Variants in ECT2 observed in about 807,000 individuals in gnomAD.
ECT2 encodes the protein protein ECT2.
Under a neutral mutation model 116.9 loss-of-function variants are expected in ECT2, and 61 were observed. The ratio of observed to expected loss-of-function variants is 0.52; its 90% CI spans 0.42 to 0.65. ECT2 has a LOEUF of 0.65. ECT2 is among the 30% of genes least tolerant of loss of function. The pLI is 0.00. For synonymous variants in ECT2, 358 were observed against 346.4 expected, an observed-to-expected ratio of 1.03 and a Z score of -0.37; for missense variants, 937 against 1,078.7, an observed-to-expected ratio of 0.87 and a Z score of 1.84.
chr3:172,810,386 G>C (rs1728559591), intron 22 of ECT2, among the ~76,000 whole-genome samples: 1 of 152,144 alleles, frequency 6.6e-6, no homozygotes, highest in Non-Finnish European at 1.5e-5. Flanking sequence ...AAACTTGTAA[G>C]TAGAATTTCT....
At chr3:172,823,748 T>G (rs1730776664), downstream of ECT2, among the ~76,000 whole-genome samples, 1 of 152,144 alleles carries the variant, frequency 6.6e-6, no homozygotes, top group East Asian at 1.9e-4. Context: ...AAATACATGA[T>G]TGCTTACAAA....
At chr3:172,766,271 A>G (rs1719363683) in intron 12 of ECT2, among the ~76,000 whole-genome samples, 1 of 152,238 alleles carries the variant, frequency 6.6e-6, no homozygotes, top group Non-Finnish European at 1.5e-5. Flanking sequence ...TGGATAGATC[A>G]GTTTGCTTGG....
intron 10 of ECT2, 26 bp downstream of exon 10, chr3:172,762,832 T>C: frequency 6.2e-7 from 1 of 1,609,596 alleles, no homozygotes; most frequent in Non-Finnish European, 8.5e-7. Context: ...ATGAGGTTGG[T>C]TTTTAAAAAC....
chr3:172,816,880 A>G, intron 24 of ECT2, 43 bp downstream of exon 24: 1 of 1,438,440 alleles, frequency 7.0e-7, no homozygotes, highest in Non-Finnish European at 9.4e-7. Flanking sequence ...TTATTTATGA[A>G]GTTGTTATGG....
intron 7 of ECT2, among the ~76,000 whole-genome samples, chr3:172,760,923 A>C (rs528412221): frequency 4.7e-4 from 71 of 151,540 alleles, no homozygotes; most frequent in South Asian, 1.9e-3. Flanking sequence ...GTTTCACCAT[A>C]TTGGCCAGGG....
the ECT2 span, chr3:172,828,856 C>T: frequency 9.4e-6 from 10 of 1,066,536 alleles, no homozygotes; most frequent in South Asian, 2.8e-5. Context: ...GCCTGAGAGA[C>T]GAGTGCCTGA....
intron 11 of ECT2, among the ~76,000 whole-genome samples, chr3:172,763,256 T>G (rs1718693560): frequency 6.6e-6 from 1 of 152,248 alleles, no homozygotes; most frequent in African/African-American, 2.4e-5. Flanking sequence ...AAGATAGATT[T>G]GTACGTAGTT....
intron 22 of ECT2, among the ~76,000 whole-genome samples, chr3:172,811,936 C>G: frequency 6.6e-6 from 1 of 151,280 alleles, no homozygotes; most frequent in East Asian, 1.9e-4. Context: ...TTGATACTTT[C>G]TAGAAATATA....
intron 24 of ECT2, among the ~76,000 whole-genome samples, chr3:172,818,039 A>T (rs1730070893): frequency 6.6e-6 from 1 of 152,146 alleles, no homozygotes; most frequent in South Asian, 2.1e-4. Flanking sequence ...TTAGAACAGT[A>T]CCTGGCACAT....
intron 13 of ECT2, among the ~76,000 whole-genome samples, chr3:172,770,834 T>TA (rs2108476809): frequency 6.6e-6 from 1 of 152,222 alleles, no homozygotes; most frequent in African/African-American, 2.4e-5. Context: ...TTTTTTTTTT[T>TA]AAAGAACTTT....
At chr3:172,805,473 T>G (rs1006646862) in intron 20 of ECT2, among the ~76,000 whole-genome samples, 3 of 152,268 alleles carry the variant, frequency 2.0e-5, no homozygotes, top group Admixed American at 1.3e-4. Flanking sequence ...CTTTCATACC[T>G]CTGGGACCTT....
At position 172,762,480 on chromosome 3, in the gene ECT2, A is replaced by T. The variant is rs372627044; in HGVS notation, c.823A>T (p.Ile275Phe). The T allele has an allele frequency of 6.3e-7, 1 of 1,598,700 alleles. No homozygotes were observed. Among genetic ancestry groups the T allele is most frequent in the Non-Finnish European group, 8.5e-7 (1 of 1,176,552 alleles). Residue 275 changes from isoleucine to phenylalanine, a missense_variant, in exon 9 of 25, where the codon ATT becomes TTT. Ile to Phe is a conservative substitution (Grantham distance 21). Transcript: ENST00000392692. ...TAAAGTTCCTCCATTTCAAGATTGT[A>T]TTTTAAGTTTCCTGGGATTTTCAGA... is the stretch of plus-strand genomic sequence containing the variant. ...EFKVPPFQDC[I>F]LSFLGFSDEE...
intron 7 of ECT2, among the ~76,000 whole-genome samples, chr3:172,760,471 G>A (rs544011480): frequency 6.6e-6 from 1 of 151,652 alleles, no homozygotes; most frequent in East Asian, 1.9e-4. Flanking sequence ...AAATAGAGAT[G>A]GGGTGTTGCT....
downstream of ECT2, among the ~76,000 whole-genome samples, chr3:172,822,660 A>G (rs1338774930): frequency 6.6e-6 from 1 of 152,040 alleles, no homozygotes; most frequent in Non-Finnish European, 1.5e-5. Flanking sequence ...TAATAGATCA[A>G]TCAAAAAGAT....
At chr3:172,822,673 T>C (rs1730738426), downstream of ECT2, among the ~76,000 whole-genome samples, 1 of 151,892 alleles carries the variant, frequency 6.6e-6, no homozygotes, top group Non-Finnish European at 1.5e-5. Flanking sequence ...AAAAAGATAA[T>C]ATAAGAAAGA....
intron 4 of ECT2, 112 bp from the exon 5 acceptor site, chr3:172,756,871 T>C (rs1717090426): frequency 1.1e-6 from 1 of 909,026 alleles, no homozygotes; most frequent in East Asian, 2.9e-5. Context: ...TTTCTACAAA[T>C]ATAAACATGT....
At chr3:172,803,709 TTC>T (rs1472711071) in intron 20 of ECT2, among the ~76,000 whole-genome samples, 2 of 152,172 alleles carry the variant, frequency 1.3e-5, no homozygotes, top group African/African-American at 2.4e-5. Context: ...ACTGGAAACT[TTC>T]TGTTACCTTC....
chr3:172,804,059 A>G (rs889239232), intron 20 of ECT2, among the ~76,000 whole-genome samples: 3 of 151,952 alleles, frequency 2.0e-5, no homozygotes, highest in Non-Finnish European at 4.4e-5. Flanking sequence ...CAGCCTCCCA[A>G]AGTGTTGAGA....
rs115645288 is a variant in ECT2, at chr3:172,815,371, A to G, written c.2401-233A>G. On this transcript the variant is annotated intron_variant, in intron 22 of 24. Transcript: ENST00000392692. Reference sequence around the variant, plus strand: ...GTTGTTAGATTTTATTTTGAGGTCTATTTCCAATTGCTTTGGTATCCATGA... The same window carrying G: ...GTTGTTAGATTTTATTTTGAGGTCTGTTTCCAATTGCTTTGGTATCCATGA... 2.3e-3 allele frequency among the ~76,000 whole-genome samples: 351 copies of G among 152,194 alleles called. 2 individuals carry two copies. Among genetic ancestry groups the G allele is most frequent in the African/African-American group, 8.1e-3 (335 of 41,562 alleles).
Sources: gnomAD v4.1 joint callset for allele counts (sites outside exome capture counted in the v4.1 genomes callset) on GRCh38, gnomAD v4.1.1 for gene constraint, MANE v1.5 for transcripts, NCBI Gene and HGNC (gene_info 2026-07-23, HGNC 2026-07-21) for gene names.